Variants in KIF26B observed in about 807,000 individuals in gnomAD.
KIF26B encodes the protein kinesin-like protein KIF26B.
Under a neutral mutation model 151.2 loss-of-function variants are expected in KIF26B, and 63 were observed. The observed-to-expected ratio is 0.42, with a 90% CI of 0.34 to 0.51. The LOEUF (loss-of-function observed/expected upper bound fraction) is 0.51. Ranked by LOEUF, KIF26B falls within the 20% of genes least tolerant of loss-of-function variation. KIF26B has a pLI of 0.07. For missense variants in KIF26B, 2,813 were observed against 2,913.6 expected, an observed-to-expected ratio of 0.97 and a Z score of 0.79; for synonymous variants, 1,357 against 1,262.1, an observed-to-expected ratio of 1.08 and a Z score of -1.59.
intron 4 of KIF26B, among the ~76,000 whole-genome samples, chr1:245,499,327 A>C (rs1385458174): frequency 6.6e-6 from 1 of 152,194 alleles, no homozygotes; most frequent in African/African-American, 2.4e-5. Context: ...TTAATCCAAC[A>C]TAATGATAGT....
chr1:245,188,092 C>T (rs958001008), intron 2 of KIF26B, among the ~76,000 whole-genome samples: 12 of 151,896 alleles, frequency 7.9e-5, no homozygotes, highest in African/African-American at 1.9e-4. Flanking sequence ...CCTGCTTAGC[C>T]GACATGGCAA....
chr1:245,380,613 G>A (rs1051164650), intron 3 of KIF26B, among the ~76,000 whole-genome samples: 1 of 152,196 alleles, frequency 6.6e-6, no homozygotes, highest in Non-Finnish European at 1.5e-5. Flanking sequence ...CAGGCGACCT[G>A]TGCCAGGTCA....
chr1:245,676,803 A>G (rs1246721159), intron 10 of KIF26B, among the ~76,000 whole-genome samples: 1 of 152,228 alleles, frequency 6.6e-6, no homozygotes, highest in East Asian at 1.9e-4. Context: ...GAGGGCTCTC[A>G]TGAATGCTCA....
intron 2 of KIF26B, among the ~76,000 whole-genome samples, chr1:245,248,767 G>A (rs1252810603): frequency 6.6e-6 from 1 of 152,122 alleles, no homozygotes; most frequent in Non-Finnish European, 1.5e-5. Flanking sequence ...TGAGATGTTT[G>A]CCAATATCTC....
At chr1:245,313,160 A>T (rs1207763905) in intron 2 of KIF26B, among the ~76,000 whole-genome samples, 1 of 151,420 alleles carries the variant, frequency 6.6e-6, no homozygotes, top group African/African-American at 2.4e-5. Context: ...CTCCATCTCA[A>T]AAAACAAACA....
In KIF26B at chr1:245,358,621, T is replaced by A. The variant is rs1300695000; in HGVS notation, c.466-8213T>A. Among the ~76,000 whole-genome samples, 1 of 152,236 alleles carries A rather than the reference T, an allele frequency of 6.6e-6. No individual in the cohort carries two copies. The highest frequency in any genetic ancestry group is 1.5e-5 in the Non-Finnish European group (1 of 68,038). The stretch of plus-strand genomic sequence containing the variant: ...AAAGAAACATTAAGCAATTTTATAA[T>A]TAGATAATTAACAGAATCCTTGATA... On this transcript the variant is annotated intron_variant, in intron 2 of 14. Coordinates refer to ENST00000407071, the MANE Select transcript of KIF26B (RefSeq NM_018012.4). This position sits in a 1 kb window ranked among gnomAD's most constrained non-coding sequence, Gnocchi z 4.1.
intron 12 of KIF26B, among the ~76,000 whole-genome samples, chr1:245,694,363 G>C (rs112039312): frequency 6.6e-6 from 1 of 152,160 alleles, no homozygotes; most frequent in Admixed American, 6.5e-5. Context: ...TCTTCCTAGT[G>C]CCTACTCTTT....
chr1:245,305,982 G>A (rs1380948781), intron 2 of KIF26B, among the ~76,000 whole-genome samples: 4 of 147,916 alleles, frequency 2.7e-5, no homozygotes, highest in Non-Finnish European at 4.5e-5. Flanking sequence ...AAACGATATA[G>A]CCCCTGTGGA....
intron 2 of KIF26B, among the ~76,000 whole-genome samples, chr1:245,260,751 C>A (rs142776235): frequency 6.6e-6 from 1 of 152,158 alleles, no homozygotes. Context: ...TTGTACTGGG[C>A]CTGGATGGGG....
chr1:245,443,353 A>G (rs1046944567), intron 4 of KIF26B, among the ~76,000 whole-genome samples: 1 of 135,082 alleles, frequency 7.4e-6, no homozygotes, highest in African/African-American at 2.8e-5. Context: ...TAGAGCTGTC[A>G]TCTCCCTCAC....
chr1:245,493,026 G>A (rs1412311959), intron 4 of KIF26B, among the ~76,000 whole-genome samples: 3 of 152,072 alleles, frequency 2.0e-5, no homozygotes, highest in Non-Finnish European at 1.5e-5. Flanking sequence ...TCATCCACCT[G>A]CCTCGGCTTC....
chr1:245,280,365 CAA>C (rs1191254237), intron 2 of KIF26B, among the ~76,000 whole-genome samples: 6,149 of 129,562 alleles, frequency 0.047, 176 homozygotes, highest in African/African-American at 0.084. Context: ...ACAAAAAATA[CAA>C]AAAAAAAAAA....
At chr1:245,691,176 AT>A (rs986984403) in intron 12 of KIF26B, among the ~76,000 whole-genome samples, 2 of 151,986 alleles carry the variant, frequency 1.3e-5, no homozygotes, top group African/African-American at 4.8e-5. Flanking sequence ...CAAGACTTTT[AT>A]TGTTTGGTTT....
chr1:245,464,569 G>A (rs1572075003), intron 4 of KIF26B, among the ~76,000 whole-genome samples: 1 of 148,670 alleles, frequency 6.7e-6, no homozygotes, highest in South Asian at 2.2e-4. Flanking sequence ...GTGTGGGTGT[G>A]TGGGTGTGTG....
intron 9 of KIF26B, among the ~76,000 whole-genome samples, chr1:245,641,939 T>C (rs2043896384): frequency 6.6e-6 from 1 of 152,236 alleles, no homozygotes; most frequent in Non-Finnish European, 1.5e-5. Context: ...GCTTTGTTTG[T>C]GCCTGTACTT....
intron 4 of KIF26B, among the ~76,000 whole-genome samples, chr1:245,500,846 G>A (rs763870918): frequency 6.6e-6 from 1 of 152,206 alleles, no homozygotes; most frequent in Non-Finnish European, 1.5e-5. Context: ...CTGCAGTGAG[G>A]ATGGTGAAAT....
At chr1:245,361,322 C>T (rs1672813319) in intron 2 of KIF26B, among the ~76,000 whole-genome samples, 1 of 152,242 alleles carries the variant, frequency 6.6e-6, no homozygotes, top group Admixed American at 6.5e-5. Flanking sequence ...ACAGCTGCTA[C>T]ATCCCAGGGT....
At chr1:245,328,415 T>C (rs1341320345) in intron 2 of KIF26B, among the ~76,000 whole-genome samples, 1 of 152,350 alleles carries the variant, frequency 6.6e-6, no homozygotes, top group Admixed American at 6.5e-5. Context: ...AATTTCACCT[T>C]GTAAGACTTT....
At chr1:245,619,296 C>T (rs1217360244) in intron 9 of KIF26B, among the ~76,000 whole-genome samples, 6 of 152,252 alleles carry the variant, frequency 3.9e-5, no homozygotes, top group East Asian at 1.9e-4. Flanking sequence ...GTGTCCGCTG[C>T]GTCAGTGCTC....
Sources: gnomAD v4.1 joint callset for allele counts (sites outside exome capture counted in the v4.1 genomes callset) on GRCh38, gnomAD v4.1.1 for gene constraint, Gnocchi (gnomAD v3.1) non-coding constraint, MANE v1.5 for transcripts, NCBI Gene and HGNC (gene_info 2026-07-23, HGNC 2026-07-21) for gene names.